SLC12A3: variants seen among roughly 807,000 people sequenced by gnomAD.
SLC12A3 encodes solute carrier family 12 member 3.
Under a neutral mutation model 121.0 loss-of-function variants are expected in SLC12A3, and 104 were observed. That is an observed-to-expected ratio of 0.86 (90% CI 0.73 to 1.01). SLC12A3 has a LOEUF of 1.01. SLC12A3 is among the 50% of genes least tolerant of loss of function. The pLI is 0.00. For missense variants in SLC12A3, 1,328 were observed against 1,356.3 expected (o/e 0.98, Z 0.33); for synonymous variants, 536 against 533.4 (o/e 1.00, Z -0.07).
At chr16:56,895,441 A>C (rs2055449751) in intron 22 of SLC12A3, among the ~76,000 whole-genome samples, 1 of 150,338 alleles carries the variant, frequency 6.7e-6, no homozygotes, top group African/African-American at 2.4e-5. Context: ...TGATCCACCC[A>C]CCTCAGCCTC....
chr16:56,902,498 A>C lies in SLC12A3; in HGVS notation c.2846A>C (p.Asn949Thr). 3 of 1,361,204 alleles carry C rather than the reference A, an allele frequency of 2.2e-6. No homozygotes were observed. Among genetic ancestry groups the C allele is most frequent in the Non-Finnish European group, 3.0e-6 (3 of 986,710 alleles). 84.3% of individuals were successfully genotyped at this position (1,361,204 alleles called of 1,614,324 possible). Residue 949 changes from asparagine (N) to threonine (T), a missense_variant, in exon 24 of 26, where the codon AAC (asparagine) becomes ACC (threonine). Asn to Thr is a moderately conservative substitution (Grantham distance 65). Coordinates refer to ENST00000563236, the MANE Select transcript of SLC12A3 (RefSeq NM_001126108.2). ...ATCTCAGATGAGGAGATTACGAAGA[A>C]CAGAGTCAAGGTGCAGAGAGGGGTG... Reference protein sequence around the residue: ...WKISDEEITKNRVKSLRQVRL... With the variant: ...WKISDEEITKTRVKSLRQVRL...
Position 56,913,250 on chromosome 16 carries a change from T to C in SLC12A3, c.2925-14T>C. The C allele has an allele frequency of 6.2e-7, 1 of 1,614,174 alleles. No individual in the cohort carries two copies. Among genetic ancestry groups the C allele is most frequent in the Non-Finnish European group, 8.5e-7 (1 of 1,180,024 alleles). ...GTGGTAATCTCTCTTCTACCACTTT[T>C]TCATGCCTTGCAGCACTTTGCCCAT... On this transcript the variant is annotated splice_polypyrimidine_tract_variant and intron_variant, in intron 25 of 25. Transcript: ENST00000563236.
chr16:56,872,416 C>T lies in SLC12A3; in HGVS notation c.918C>T (p.Ile306=). 11 of 1,613,980 alleles carry T rather than the reference C, an allele frequency of 6.8e-6. No individual in the cohort carries two copies. Among genetic ancestry groups the T allele is most frequent in the South Asian group, 1.1e-5 (1 of 91,088 alleles). The part of the protein sequence containing the change: ...SFANYLVGTL[I]PPSEDKASKG... ...CCAACTATTTAGTGGGGACGCTGAT[C>T]CCCCCATCTGAGGACAAGGCCTCCA... Residue 306 remains isoleucine (I), a synonymous_variant, in exon 7 of 26, where the codon ATC becomes ATT. Transcript: ENST00000563236.
intron 14 of SLC12A3, 116 bp downstream of exon 14, chr16:56,884,320 CCT>C: frequency 1.0e-6 from 1 of 998,764 alleles, no homozygotes; most frequent in Non-Finnish European, 1.5e-6. Flanking sequence ...GTCCAGGGCC[CCT>C]CTCTGCCCCT....
chr16:56,879,691 G>C, intron 11 of SLC12A3, 42 bp downstream of exon 11: 1 of 1,483,602 alleles, frequency 6.7e-7, no homozygotes. Flanking sequence ...GGGGTGGGGA[G>C]CCTGGGCTAG....
At chr16:56,898,020 C>G (rs7189704) in intron 22 of SLC12A3, among the ~76,000 whole-genome samples, 5,567 of 152,302 alleles carry the variant, frequency 0.037, 154 homozygotes, top group African/African-American at 0.075. Flanking sequence ...CCAGCACACT[C>G]CATGCATCCC....
chr16:56,909,424 C>T (rs1257436577), intron 25 of SLC12A3, among the ~76,000 whole-genome samples: 7 of 150,486 alleles, frequency 4.7e-5, no homozygotes, highest in African/African-American at 1.5e-4. Flanking sequence ...CCCCCCATCC[C>T]TACCACCATC....
At chr16:56,876,069 CCCAGGGGAGAAT>C (rs2055160210) in intron 8 of SLC12A3, among the ~76,000 whole-genome samples, 1 of 152,012 alleles carries the variant, frequency 6.6e-6, no homozygotes, top group African/African-American at 2.4e-5. Context: ...CCCCTGAAAA[CCCAGGGGAGAAT>C]CCTGCCTTGC....
Position 56,865,415 on chromosome 16 carries a change from G to C in SLC12A3, c.180G>C (p.Thr60=), listed in dbSNP as rs756508866. The C allele has an allele frequency of 4.3e-6, 7 of 1,614,184 alleles. No individual in the cohort carries two copies. Among genetic ancestry groups the C allele is most frequent in the Middle Eastern group, 1.6e-4 (1 of 6,062 alleles). ...TFCMRTFGYN[T]IDVVPTYEHY... ...GCATGCGCACCTTTGGCTACAACAC[G>C]ATCGATGTGGTGCCCACATATGAGC... The change falls in exon 1 of 26, where the codon ACG becomes ACC. Residue 60 remains threonine (T), a synonymous_variant. Transcript: ENST00000563236.
At position 56,904,452 on chromosome 16, in the gene SLC12A3, C is replaced by T; in HGVS notation, c.2914C>T (p.Leu972Phe). The change falls in exon 25 of 26, where the codon CTC becomes TTC. Residue 972 changes from leucine to phenylalanine, a missense_variant. Transcript: ENST00000563236. ...GCTGGATTACTCCCGAGACGCTGCT[C>T]TCATCGTCATGTAAGTAGTGCCCGG... ...IVLDYSRDAALIVITLPIGRK... is the reference protein window; with the variant it reads ...IVLDYSRDAAFIVITLPIGRK... The T allele has an allele frequency of 6.2e-7, 1 of 1,613,798 alleles. No individual in the cohort carries two copies. The highest frequency in any genetic ancestry group is 1.7e-5 in the Admixed American group (1 of 60,008).
At position 56,913,488 on chromosome 16, in the gene SLC12A3, G is replaced by C. The variant is rs996259438; in HGVS notation, c.*83G>C. Reference sequence around the variant, plus strand: ...GATTGCCTCTAGTCCACAGGGATGAGACTCATGTTCTGTTGCACTTTAAGT... The same window carrying C: ...GATTGCCTCTAGTCCACAGGGATGACACTCATGTTCTGTTGCACTTTAAGT... On this transcript the variant is annotated 3_prime_UTR_variant, in exon 26 of 26. Coordinates refer to ENST00000563236, the MANE Select transcript of SLC12A3 (RefSeq NM_001126108.2). The C allele has an allele frequency of 1.5e-6, 2 of 1,359,418 alleles. No individual in the cohort carries two copies. Among genetic ancestry groups the C allele is most frequent in the South Asian group, 2.3e-5 (2 of 85,772 alleles). The allele number at this position is 1,359,418 out of a possible 1,614,324, so 84.2% of individuals were successfully genotyped here. A position where few individuals can be genotyped will look rare whatever the true frequency, so the allele number is the denominator to read the frequency against.
At chr16:56,878,189 G>A (rs771483905) in intron 9 of SLC12A3, 28 bp downstream of exon 9, 4 of 1,555,276 alleles carry the variant, frequency 2.6e-6, no homozygotes, top group Non-Finnish European at 2.7e-6. Context: ...CCAGTCAGGA[G>A]GGGGAGGGAC....
At chr16:56,908,161 C>CTTTTTT (rs55644914) in intron 25 of SLC12A3, among the ~76,000 whole-genome samples, 2,368 of 96,830 alleles carry the variant, frequency 0.024, 300 homozygotes, top group African/African-American at 0.1. Context: ...AGTGATATAA[C>CTTTTTT]TTTTTTTTTT....
intron 8 of SLC12A3, among the ~76,000 whole-genome samples, chr16:56,877,843 C>T (rs2055183309): frequency 6.6e-6 from 1 of 152,220 alleles, no homozygotes; most frequent in Non-Finnish European, 1.5e-5. Flanking sequence ...GAGTCTCCGA[C>T]CCGTGATCTT....
rs1295761836 is a variant in SLC12A3, at chr16:56,914,191, G to A, written c.*786G>A. 1.3e-5 allele frequency: 2 copies of A among 152,252 alleles called. No individual in the cohort carries two copies. Among genetic ancestry groups the A allele is most frequent in the Admixed American group, 6.5e-5 (1 of 15,286 alleles). The allele number at this position is 152,252 out of a possible 1,614,324, so 9.4% of individuals were successfully genotyped here. The stretch of plus-strand genomic sequence containing the variant: ...CCCAAAGTGCTGGGGTTACAGGCCT[G>A]AGCCACTGCGCCCGGCCCAGGCAAA... On this transcript the variant is annotated 3_prime_UTR_variant, in exon 26 of 26. Coordinates refer to ENST00000563236, the MANE Select transcript of SLC12A3 (RefSeq NM_001126108.2).
intron 25 of SLC12A3, 53 bp from the exon 26 acceptor site, chr16:56,913,211 T>A: frequency 1.2e-6 from 2 of 1,612,810 alleles, no homozygotes. Context: ...GAGCTGGGCG[T>A]GTGGAGCGGC....
At position 56,880,163 on chromosome 16, in the gene SLC12A3, G is replaced by A. The variant is rs200890260; in HGVS notation, c.1477G>A (p.Gly493Ser). The A allele has an allele frequency of 1.6e-5, 25 of 1,606,354 alleles. No individual in the cohort carries two copies. The highest frequency in any genetic ancestry group is 1.7e-4 in the Middle Eastern group (1 of 6,048). The change falls in exon 12 of 26, where the codon GGC becomes AGC. Residue 493 changes from glycine (G) to serine (S), a missense_variant. By Grantham distance (56) the Gly-to-Ser change is moderately conservative (BLOSUM62 0). Coordinates refer to ENST00000563236, the MANE Select transcript of SLC12A3 (RefSeq NM_001126108.2). ...CGAGGACCAGCTGTACCCACTGATCGGCTTCTTCGGCAAAGGCTATGGCAA... is the reference window on the plus strand; with the variant it reads ...CGAGGACCAGCTGTACCCACTGATCAGCTTCTTCGGCAAAGGCTATGGCAA... ...LCEDQLYPLI[G>S]FFGKGYGKNK...
intron 22 of SLC12A3, among the ~76,000 whole-genome samples, chr16:56,898,434 A>G (rs1220893679): frequency 6.6e-6 from 1 of 151,760 alleles, no homozygotes; most frequent in African/African-American, 2.4e-5. Context: ...AATTTTTTGT[A>G]TTTTTAGTGG....
chr16:56,894,592 C>T lies in SLC12A3; in HGVS notation c.2583C>T (p.Ile861=), dbSNP rs1224677807. 7 of 1,614,130 alleles carry T rather than the reference C, an allele frequency of 4.3e-6. No individual in the cohort carries two copies. Among genetic ancestry groups the T allele is most frequent in the Non-Finnish European group, 5.9e-6 (7 of 1,180,022 alleles). ...GRKRRWSKCK[I]RVFVGGQINR... is the part of the protein sequence containing the mutation. Reference sequence around the variant, plus strand: ...AGAGGAGGTGGAGCAAATGCAAGATCCGTGTGTTCGTAGGCGGCCAGATTA... The same window carrying T: ...AGAGGAGGTGGAGCAAATGCAAGATTCGTGTGTTCGTAGGCGGCCAGATTA... Residue 861 remains isoleucine, a synonymous_variant, in exon 22 of 26, where the codon ATC becomes ATT. Transcript: ENST00000563236.
Sources: gnomAD v4.1 joint callset for allele counts (sites outside exome capture counted in the v4.1 genomes callset) on GRCh38, gnomAD v4.1.1 for gene constraint, MANE v1.5 for transcripts, NCBI Gene and HGNC (gene_info 2026-07-23, HGNC 2026-07-21) for gene names.